The following SGCZ variants were observed in gnomAD, a reference collection of about 807,000 sequenced individuals.
The protein encoded by SGCZ is sarcoglycan zeta.
Under a neutral mutation model 41.3 loss-of-function variants are expected in SGCZ, and 40 were observed. The observed-to-expected ratio is 0.97, with a 90% CI of 0.75 to 1.26. SGCZ has a LOEUF of 1.26. Ranked by LOEUF, SGCZ falls within the 50% of genes most tolerant of loss-of-function variation. The pLI, the probability that SGCZ is intolerant of heterozygous loss-of-function variation, is 0.00. For missense variants in SGCZ, 552 were observed against 369.8 expected (o/e 1.49, Z -4.04); for synonymous variants, 206 against 137.5 (o/e 1.50, Z -3.49).
At chr8:15,077,174 T>C (rs1047826617) in intron 1 of SGCZ, among the ~76,000 whole-genome samples, 3 of 152,198 alleles carry the variant, frequency 2.0e-5, no homozygotes, top group East Asian at 3.9e-4. Context: ...TTTGAAGATA[T>C]ACTTGACCAA....
At chr8:14,734,291 T>C (rs959758610) in intron 1 of SGCZ, among the ~76,000 whole-genome samples, 2 of 152,236 alleles carry the variant, frequency 1.3e-5, no homozygotes, top group Admixed American at 6.5e-5. Flanking sequence ...GAAAATAAGA[T>C]ATCTACAAAA....
At chr8:14,801,188 G>T (rs1444837381) in intron 1 of SGCZ, among the ~76,000 whole-genome samples, 4 of 152,114 alleles carry the variant, frequency 2.6e-5, no homozygotes, top group Non-Finnish European at 5.9e-5. Context: ...TGTTTGTGTT[G>T]TGTGTGTATG....
chr8:14,283,476 T>A (rs1800519375), intron 3 of SGCZ, among the ~76,000 whole-genome samples: 1 of 152,224 alleles, frequency 6.6e-6, no homozygotes, highest in Non-Finnish European at 1.5e-5. Context: ...TGCTCTCGAT[T>A]CTTACCTTGT....
intron 3 of SGCZ, among the ~76,000 whole-genome samples, chr8:14,279,562 T>A (rs1194487201): frequency 1.3e-5 from 2 of 151,998 alleles, no homozygotes; most frequent in East Asian, 3.9e-4. Context: ...TTTGTGAATA[T>A]GCTTTATTAA....
chr8:14,335,739 C>A, intron 2 of SGCZ, among the ~76,000 whole-genome samples: 1 of 152,084 alleles, frequency 6.6e-6, no homozygotes, highest in East Asian at 1.9e-4. Context: ...AAGCTCAGAA[C>A]TTTCGAGTTA....
intron 1 of SGCZ, among the ~76,000 whole-genome samples, chr8:14,706,689 A>C (rs1359590821): frequency 6.6e-6 from 1 of 152,154 alleles, no homozygotes; most frequent in Non-Finnish European, 1.5e-5. Context: ...AGAAGCAAAC[A>C]CACTGATGCG....
At chr8:15,152,973 T>C (rs1799225496) in intron 1 of SGCZ, among the ~76,000 whole-genome samples, 2 of 152,136 alleles carry the variant, frequency 1.3e-5, no homozygotes, top group South Asian at 4.1e-4. Flanking sequence ...CTTTGGACTC[T>C]CCAAGCCTCA....
intron 2 of SGCZ, among the ~76,000 whole-genome samples, chr8:14,355,765 C>G (rs189499947): frequency 1.3e-5 from 2 of 151,798 alleles, no homozygotes; most frequent in Non-Finnish European, 2.9e-5. Context: ...CTCAGTGTAC[C>G]CAGTTGTGGG....
chr8:14,659,134 A>G (rs1040802197), intron 1 of SGCZ, among the ~76,000 whole-genome samples: 1 of 152,168 alleles, frequency 6.6e-6, no homozygotes, highest in African/African-American at 2.4e-5. Flanking sequence ...GTTTAGTTAC[A>G]TTTATTTTCC....
chr8:15,073,616 C>T (rs150319647), intron 1 of SGCZ, among the ~76,000 whole-genome samples: 22 of 152,166 alleles, frequency 1.4e-4, no homozygotes, highest in African/African-American at 5.1e-4. Context: ...TGTGGGTGGG[C>T]CTTATTCAAT....
At chr8:14,609,109 A>G (rs1392061574) in intron 1 of SGCZ, among the ~76,000 whole-genome samples, 1 of 152,162 alleles carries the variant, frequency 6.6e-6, no homozygotes, top group Admixed American at 6.5e-5. Flanking sequence ...TTAATTATGC[A>G]TCTTTTTTTA....
At chr8:14,591,114 T>G (rs1349888201) in intron 1 of SGCZ, among the ~76,000 whole-genome samples, 1 of 151,624 alleles carries the variant, frequency 6.6e-6, no homozygotes, top group Non-Finnish European at 1.5e-5. Flanking sequence ...CTAATAAATC[T>G]TATTCACTAT....
intron 1 of SGCZ, among the ~76,000 whole-genome samples, chr8:14,555,240 A>G (rs1192936283): frequency 2.0e-5 from 3 of 152,018 alleles, no homozygotes; most frequent in East Asian, 3.9e-4. Flanking sequence ...ACCGGTAACT[A>G]AAGAACTCTA....
intron 2 of SGCZ, among the ~76,000 whole-genome samples, chr8:14,553,888 C>CA (rs1375947193): frequency 6.6e-6 from 1 of 152,022 alleles, no homozygotes; most frequent in Non-Finnish European, 1.5e-5. Context: ...GCAGTCTGGT[C>CA]AGCAGTGAAA....
intron 1 of SGCZ, among the ~76,000 whole-genome samples, chr8:15,156,719 G>A (rs942588028): frequency 3.3e-5 from 5 of 152,104 alleles, no homozygotes; most frequent in Non-Finnish European, 5.9e-5. Flanking sequence ...CAAGGCAGAC[G>A]GATCACCTGA....
chr8:15,166,847 G>A (rs1373609044), intron 1 of SGCZ, among the ~76,000 whole-genome samples: 1 of 152,148 alleles, frequency 6.6e-6, no homozygotes, highest in East Asian at 1.9e-4. Flanking sequence ...ACAGCCTTCT[G>A]ATAACTTTAG....
chr8:14,259,091 A>C (rs1427785719), intron 3 of SGCZ, among the ~76,000 whole-genome samples: 1 of 152,194 alleles, frequency 6.6e-6, no homozygotes, highest in African/African-American at 2.4e-5. Context: ...AAAGGCATTT[A>C]GCCTTGGGTA....
intron 7 of SGCZ, among the ~76,000 whole-genome samples, chr8:14,092,901 G>A (rs1461519392): frequency 7.3e-6 from 1 of 136,998 alleles, no homozygotes; most frequent in African/African-American, 2.4e-5. Context: ...AATTAGATTT[G>A]AAGTCTCCAT....
chr8:14,341,429 C>A (rs1380968715), intron 2 of SGCZ, among the ~76,000 whole-genome samples: 1 of 152,142 alleles, frequency 6.6e-6, no homozygotes, highest in African/African-American at 2.4e-5. Flanking sequence ...TCATCACTAA[C>A]ACTTGTTACC....
Sources: allele counts gnomAD v4.1 joint callset (sites outside exome capture counted in the v4.1 genomes callset), GRCh38; gene constraint gnomAD v4.1.1; transcripts MANE v1.5; gene names NCBI Gene and HGNC (gene_info 2026-07-23, HGNC 2026-07-21).